Variants in CRY1 observed in about 807,000 individuals in gnomAD.
CRY1 encodes the protein cryptochrome-1.
A neutral mutation model predicts 76.0 loss-of-function variants in CRY1; 45 were observed. The observed-to-expected ratio is 0.59, with a 90% confidence interval of 0.47 to 0.76. The LOEUF (loss-of-function observed/expected upper bound fraction) is 0.76. CRY1 is among the 30% of genes least tolerant of loss of function. CRY1 has a pLI of 0.00. For missense variants in CRY1, 587 were observed against 716.4 expected (o/e 0.82, Z 2.06); for synonymous variants, 248 against 244.0 (o/e 1.02, Z -0.15).
chr12:106,999,843 G>A lies in CRY1; in HGVS notation c.845C>T (p.Pro282Leu). Residue 282 changes from proline (P) to leucine (L), a missense_variant, in exon 7 of 13, where the codon CCT becomes CTT. Transcript: ENST00000008527. ...CAGTTGCCCATAAAGGGAAAGGGGA[G>A]GGGAACTGTTCTTCTTTACCTATGG... ...LYKKVKKNSS[P>L]PLSLYGQLLW... is the part of the protein sequence containing the mutation. 1 of 1,612,146 alleles carries A rather than the reference G, an allele frequency of 6.2e-7. No homozygotes were observed. Among genetic ancestry groups the A allele is most frequent in the Non-Finnish European group, 8.5e-7 (1 of 1,179,294 alleles).
Position 107,021,574 on chromosome 12 carries a change from C to A in CRY1, c.267+510G>T, listed in dbSNP as rs532084077. Among the ~76,000 whole-genome samples, 7 of 152,276 alleles carry A rather than the reference C, an allele frequency of 4.6e-5. No homozygotes were observed. In the East Asian group the frequency reaches 7.7e-4, roughly 17 times the overall value. ...AGACCGAGGAAATGATATGGAACAA[C>A]TTCCAAAAGATATGGTTATGTGAAC... On this transcript the variant is annotated intron_variant, in intron 2 of 12. Coordinates refer to ENST00000008527, the MANE Select transcript of CRY1 (RefSeq NM_004075.5).
chr12:107,041,454 G>C (rs1952798781), intron 1 of CRY1, among the ~76,000 whole-genome samples: 1 of 152,132 alleles, frequency 6.6e-6, no homozygotes, highest in African/African-American at 2.4e-5. Context: ...TTTACTTGAA[G>C]TATTTTTTAA....
In CRY1 at chr12:107,093,011, C is replaced by T; in HGVS notation, c.-50G>A. 4.1e-6 allele frequency: 6 copies of T among 1,471,560 alleles called. No homozygotes were observed. The highest frequency in any genetic ancestry group is 5.4e-6 in the Non-Finnish European group (6 of 1,116,796). The allele number at this position is 1,471,560 out of a possible 1,614,324, so 91.2% of individuals were successfully genotyped here. A position where few individuals can be genotyped will look rare whatever the true frequency, so the allele number is the denominator to read the frequency against. On this transcript the variant is annotated 5_prime_UTR_variant, in exon 1 of 13. Transcript: ENST00000008527. ...ACGGAGAAATTCAAGGAAGGAGGCT[C>T]CGGCTCATAGCCGACACCTTCGCTT...
At chr12:107,022,020 T>C in intron 2 of CRY1, 64 bp downstream of exon 2, 1 of 1,235,110 alleles carries the variant, frequency 8.1e-7, no homozygotes, top group Non-Finnish European at 1.1e-6. Context: ...CAAAAAACTT[T>C]ATTTACCAAA....
In CRY1 at chr12:107,019,581, C is replaced by T. The variant is rs910957213; in HGVS notation, c.267+2503G>A. ...ATCTCAAAACAAAGAACACAAAACACTTGCTGGTTTGAAAAATGTTGTTTC... is the reference window on the plus strand; with the variant it reads ...ATCTCAAAACAAAGAACACAAAACATTTGCTGGTTTGAAAAATGTTGTTTC... On this transcript the variant is annotated intron_variant, in intron 2 of 12. Coordinates refer to ENST00000008527, the MANE Select transcript of CRY1 (RefSeq NM_004075.5). 5.3e-5 allele frequency among the ~76,000 whole-genome samples: 8 copies of T among 152,220 alleles called. No homozygotes were observed. The East Asian group carries it at 1.5e-3, about 29-fold the overall frequency.
intron 3 of CRY1, 34 bp downstream of exon 3, chr12:107,005,072 A>C: frequency 6.3e-7 from 1 of 1,587,504 alleles, no homozygotes; most frequent in South Asian, 1.1e-5. Context: ...TGTTATACGC[A>C]TTTTCCCACA....
chr12:107,002,053 G>A lies in CRY1; in HGVS notation c.411-105C>T, dbSNP rs1952318542. 3 of 934,386 alleles carry A rather than the reference G, an allele frequency of 3.2e-6. No individual in the cohort carries two copies. In the South Asian group the frequency reaches 5.2e-5, roughly 16 times the overall value. The allele number at this position is 934,386 out of a possible 1,614,324, so 57.9% of individuals were successfully genotyped here. A position where few individuals can be genotyped will look rare whatever the true frequency, so the allele number is the denominator to read the frequency against. On this transcript the variant is annotated intron_variant, in intron 3 of 12. Transcript: ENST00000008527. ...AAAGCAGAAAATAAAATTAATCACT[G>A]AAGTCTTTGAGGGTGTTAGCTTGTT...
chr12:106,995,514 C>T (rs557859897), intron 10 of CRY1, among the ~76,000 whole-genome samples: 1 of 152,222 alleles, frequency 6.6e-6, no homozygotes, highest in East Asian at 1.9e-4. Context: ...CAAAGAGGTC[C>T]TGTTTCCCTA....
intron 1 of CRY1, among the ~76,000 whole-genome samples, chr12:107,087,338 T>C (rs985771434): frequency 2.6e-5 from 4 of 152,122 alleles, no homozygotes; most frequent in African/African-American, 9.7e-5. Flanking sequence ...CCTGGAGAAG[T>C]GACAGACATT....
intron 1 of CRY1, among the ~76,000 whole-genome samples, chr12:107,065,467 C>T (rs1041323237): frequency 5.9e-5 from 9 of 151,912 alleles, no homozygotes; most frequent in African/African-American, 1.5e-4. Flanking sequence ...TGGTGGTGCA[C>T]GCCTGTAATC....
At chr12:107,011,075 AG>A (rs1279482763) in intron 2 of CRY1, among the ~76,000 whole-genome samples, 3 of 152,186 alleles carry the variant, frequency 2.0e-5, no homozygotes, top group Non-Finnish European at 4.4e-5. Flanking sequence ...GGCTGGGCGC[AG>A]TGGCTCACGC....
At position 106,991,832 on chromosome 12, in the gene CRY1, C is replaced by A. The variant is rs1056560; in HGVS notation, c.*170G>T. On this transcript the variant is annotated 3_prime_UTR_variant, in exon 13 of 13. Coordinates refer to ENST00000008527, the MANE Select transcript of CRY1 (RefSeq NM_004075.5). ...TCTTTATATACAAATTACCAATTGT[C>A]CTCTGTGAAATTCATTAAAAAGTTA... 0.51 allele frequency: 76,938 copies of A among 152,268 alleles called. 20,353 individuals carry two copies. The highest frequency in any genetic ancestry group is 0.72 in the East Asian group (3,723 of 5,170). The allele number at this position is 152,268 out of a possible 1,614,324, so 9.4% of individuals were successfully genotyped here.
At position 107,005,288 on chromosome 12, in the gene CRY1, A is replaced by G. The variant is rs775219268; in HGVS notation, c.268-40T>C. Reference sequence around the variant, plus strand: ...AGGGGAACAATGTACACCAATTGTAATAGTTATTTTTTCTATTATAACGAA... The same window carrying G: ...AGGGGAACAATGTACACCAATTGTAGTAGTTATTTTTTCTATTATAACGAA... On this transcript the variant is annotated intron_variant, in intron 2 of 12. Transcript: ENST00000008527. 15 of 1,542,316 alleles carry G rather than the reference A, an allele frequency of 9.7e-6. No individual in the cohort carries two copies. In the East Asian group the frequency reaches 3.4e-4, roughly 35 times the overall value.
At chr12:107,000,554 T>A (rs548987694) in intron 5 of CRY1, among the ~76,000 whole-genome samples, 1 of 152,270 alleles carries the variant, frequency 6.6e-6, no homozygotes, top group African/African-American at 2.4e-5. Context: ...TTCACCATGT[T>A]GGCCAGGCTG....
chr12:107,015,256 A>G (rs931391909), intron 2 of CRY1, among the ~76,000 whole-genome samples: 1 of 152,194 alleles, frequency 6.6e-6, no homozygotes, highest in Non-Finnish European at 1.5e-5. Context: ...TTTGTGTCAC[A>G]TTCACTTTCA....
rs1952243360 is a variant in CRY1, at chr12:106,997,279, T to C, written c.1585+15A>G. On this transcript the variant is annotated intron_variant, in intron 10 of 12. Transcript: ENST00000008527. ...TCTTCATGTTACTAAGTGCAGAAAT[T>C]TCCTTTTCACTTACTTCCACTGCTG... is the stretch of plus-strand genomic sequence containing the variant. 1 of 1,605,740 alleles carries C rather than the reference T, an allele frequency of 6.2e-7. No individual in the cohort carries two copies. Among genetic ancestry groups the C allele is most frequent in the Non-Finnish European group, 8.5e-7 (1 of 1,172,770 alleles).
intron 1 of CRY1, among the ~76,000 whole-genome samples, chr12:107,045,254 C>G (rs1402027106): frequency 1.3e-5 from 2 of 151,924 alleles, no homozygotes; most frequent in Non-Finnish European, 2.9e-5. Context: ...AAAATGCCAC[C>G]AAAAATACCA....
intron 10 of CRY1, among the ~76,000 whole-genome samples, chr12:106,994,168 T>C (rs953140782): frequency 6.6e-6 from 1 of 152,188 alleles, no homozygotes; most frequent in Non-Finnish European, 1.5e-5. Flanking sequence ...CATAAAAGGA[T>C]ATGCTTTAGA....
intron 1 of CRY1, among the ~76,000 whole-genome samples, chr12:107,032,123 G>T (rs140971877): frequency 1.5e-4 from 23 of 151,162 alleles, no homozygotes; most frequent in Non-Finnish European, 3.1e-4. Flanking sequence ...TAGTAGAGAC[G>T]GGGTTTCGCC....
Sources: allele counts gnomAD v4.1 joint callset (sites outside exome capture counted in the v4.1 genomes callset), GRCh38; gene constraint gnomAD v4.1.1; transcripts MANE v1.5; gene names NCBI Gene and HGNC (gene_info 2026-07-23, HGNC 2026-07-21).